The following SORCS3 variants were observed in gnomAD, a reference collection of about 807,000 sequenced individuals.
SORCS3 encodes sortilin related VPS10 domain containing receptor 3.
A neutral mutation model predicts 146.3 loss-of-function variants in SORCS3; 57 were observed. That is an observed-to-expected ratio of 0.39 (90% confidence interval 0.31 to 0.49). SORCS3 has a LOEUF of 0.49. SORCS3 is among the 20% of genes least tolerant of loss of function. The pLI, the probability that SORCS3 is intolerant of heterozygous loss-of-function variation, is 0.92. For missense variants in SORCS3, 1,341 were observed against 1,575.5 expected, an observed-to-expected ratio of 0.85 and a Z score of 2.52; for synonymous variants, 653 against 618.5, an observed-to-expected ratio of 1.06 and a Z score of -0.83.
At chr10:105,182,250 T>TTTTTTTTTTC (rs2056447366) in intron 14 of SORCS3, among the ~76,000 whole-genome samples, 1 of 143,496 alleles carries the variant, frequency 7.0e-6, no homozygotes, top group Non-Finnish European at 1.5e-5. Context: ...TTTTTTTTTT[T>TTTTTTTTTTC]TTTGTGCCAG....
chr10:104,824,631 G>C (rs1427548523), intron 1 of SORCS3, among the ~76,000 whole-genome samples: 1 of 152,184 alleles, frequency 6.6e-6, no homozygotes, highest in Non-Finnish European at 1.5e-5. Flanking sequence ...GCTGTCCCAG[G>C]TGCTGGAGAT....
At chr10:104,845,824 G>A (rs1266971743) in intron 2 of SORCS3, among the ~76,000 whole-genome samples, 1 of 152,144 alleles carries the variant, frequency 6.6e-6, no homozygotes, top group African/African-American at 2.4e-5. Flanking sequence ...GATGCAGTTT[G>A]GCAAGTGGAG....
At chr10:104,696,472 G>T (rs370708509) in intron 1 of SORCS3, among the ~76,000 whole-genome samples, 792 of 17,596 alleles carry the variant, frequency 0.045, 114 homozygotes, top group African/African-American at 0.086. Flanking sequence ...ATAATATATA[G>T]AATATAGAAT....
At chr10:104,715,883 T>A (rs1468138640) in intron 1 of SORCS3, among the ~76,000 whole-genome samples, 1 of 152,154 alleles carries the variant, frequency 6.6e-6, no homozygotes, top group Non-Finnish European at 1.5e-5. Context: ...TACACACAGG[T>A]CAGGCCACGC....
intron 1 of SORCS3, among the ~76,000 whole-genome samples, chr10:104,818,327 G>A (rs966254950): frequency 2.0e-5 from 3 of 149,134 alleles, no homozygotes; most frequent in African/African-American, 7.3e-5. Flanking sequence ...ACAAGAGAGA[G>A]CACAATTTTT....
intron 4 of SORCS3, among the ~76,000 whole-genome samples, chr10:105,037,794 C>A (rs529789681): frequency 1.3e-5 from 2 of 152,302 alleles, no homozygotes; most frequent in South Asian, 4.2e-4. Flanking sequence ...TTGAGGGACA[C>A]AAATTCAACC....
intron 13 of SORCS3, among the ~76,000 whole-genome samples, chr10:105,174,670 C>G (rs987214565): frequency 4.0e-5 from 6 of 151,852 alleles, no homozygotes; most frequent in Non-Finnish European, 7.4e-5. Context: ...CATCTTTGGG[C>G]TTCAGTTATT....
intron 4 of SORCS3, among the ~76,000 whole-genome samples, chr10:105,041,596 A>G (rs1408550920): frequency 6.6e-6 from 1 of 151,996 alleles, no homozygotes; most frequent in Non-Finnish European, 1.5e-5. Flanking sequence ...TGTTCAATAA[A>G]TATTTGCTGA....
intron 1 of SORCS3, among the ~76,000 whole-genome samples, chr10:104,654,723 T>C (rs1399041356): frequency 6.6e-6 from 1 of 152,220 alleles, no homozygotes; most frequent in Non-Finnish European, 1.5e-5. Context: ...TATTTGGCAT[T>C]ATATGTGTCT....
intron 3 of SORCS3, among the ~76,000 whole-genome samples, chr10:104,967,755 C>T (rs997676326): frequency 6.6e-5 from 10 of 151,868 alleles, no homozygotes; most frequent in African/African-American, 2.4e-4. Context: ...ACTGCCCGGG[C>T]TCAAGCCATC....
chr10:104,813,446 T>C (rs2017761501), intron 1 of SORCS3, among the ~76,000 whole-genome samples: 1 of 152,222 alleles, frequency 6.6e-6, no homozygotes, highest in Non-Finnish European at 1.5e-5. Flanking sequence ...TTTTATGTAC[T>C]AATATACTAA....
intron 2 of SORCS3, among the ~76,000 whole-genome samples, chr10:104,846,749 G>A (rs59151689): frequency 3.3e-4 from 50 of 152,236 alleles, no homozygotes; most frequent in South Asian, 1.2e-3. Context: ...TAAATTTGTC[G>A]TTTAGCACAA....
intron 2 of SORCS3, among the ~76,000 whole-genome samples, chr10:104,857,922 G>A (rs951745582): frequency 6.6e-6 from 1 of 152,028 alleles, no homozygotes; most frequent in African/African-American, 2.4e-5. Context: ...CGGTAGGGGA[G>A]GACTGTAACA....
chr10:104,950,885 C>G (rs972814972), intron 3 of SORCS3, among the ~76,000 whole-genome samples: 1 of 152,184 alleles, frequency 6.6e-6, no homozygotes, highest in Admixed American at 6.5e-5. Context: ...CCTCAGTACT[C>G]TCTAACTAAG....
At chr10:104,808,222 G>A (rs1213949083) in intron 1 of SORCS3, among the ~76,000 whole-genome samples, 1 of 152,158 alleles carries the variant, frequency 6.6e-6, no homozygotes. Context: ...TTGTGAGTTG[G>A]TGAAGGACAT....
intron 7 of SORCS3, among the ~76,000 whole-genome samples, chr10:105,106,144 C>G (rs935428157): frequency 1.1e-4 from 16 of 152,172 alleles, no homozygotes; most frequent in African/African-American, 3.9e-4. Context: ...AGGTAGTGCT[C>G]CACCAGATGA....
intron 5 of SORCS3, among the ~76,000 whole-genome samples, chr10:105,074,467 G>A (rs900874201): frequency 2.2e-4 from 33 of 152,236 alleles, no homozygotes; most frequent in African/African-American, 6.0e-4. Context: ...TTCAAGAAAC[G>A]TGTAGTCTAG....
chr10:104,953,287 T>G (rs1328717417), intron 3 of SORCS3, among the ~76,000 whole-genome samples: 2 of 152,204 alleles, frequency 1.3e-5, no homozygotes, highest in African/African-American at 4.8e-5. Flanking sequence ...TCTTCCACAC[T>G]CTCTGTGGCC....
chr10:105,211,286 T>G, intron 17 of SORCS3, 36 bp downstream of exon 17: 1 of 1,422,482 alleles, frequency 7.0e-7, no homozygotes, highest in Non-Finnish European at 9.9e-7. Context: ...AGCTCCCTGT[T>G]TTCCTGTTTC....
Sources: gnomAD v4.1 joint callset for allele counts (sites outside exome capture counted in the v4.1 genomes callset) on GRCh38, gnomAD v4.1.1 for gene constraint, MANE v1.5 for transcripts, NCBI Gene and HGNC (gene_info 2026-07-23, HGNC 2026-07-21) for gene names.